NRG3: variants seen among roughly 807,000 people sequenced by gnomAD.
NRG3 encodes the protein pro-neuregulin-3, membrane-bound isoform.
NRG3 carries 31 observed loss-of-function variants against 66.9 expected under a neutral mutation model. The ratio of observed to expected loss-of-function variants is 0.46; its 90% CI spans 0.35 to 0.63. The LOEUF is 0.63. Among genes scored for constraint, NRG3 ranks in the 20% least tolerant of loss-of-function variants. NRG3 has a pLI of 0.00. For synonymous variants in NRG3, 393 were observed against 359.4 expected, an observed-to-expected ratio of 1.09 and a Z score of -1.06; for missense variants, 910 against 878.9, an observed-to-expected ratio of 1.04 and a Z score of -0.45.
intron 2 of NRG3, among the ~76,000 whole-genome samples, chr10:82,558,682 G>A (rs927387851): frequency 1.3e-5 from 2 of 152,116 alleles, no homozygotes; most frequent in African/African-American, 2.4e-5. Context: ...CGTCAAATTC[G>A]CATTTCTCTA....
At chr10:82,409,460 CAA>C (rs1340942262) in intron 2 of NRG3, among the ~76,000 whole-genome samples, 4 of 149,990 alleles carry the variant, frequency 2.7e-5, no homozygotes, top group Non-Finnish European at 4.4e-5. Flanking sequence ...CCCGGATAAA[CAA>C]AGAGTCTAAT....
intron 2 of NRG3, among the ~76,000 whole-genome samples, chr10:82,505,353 G>A (rs1844569918): frequency 1.3e-5 from 2 of 152,334 alleles, no homozygotes; most frequent in African/African-American, 4.8e-5. Flanking sequence ...CCACAGGGGT[G>A]GTCATGTGGC....
chr10:82,498,025 G>T (rs1405184806), intron 2 of NRG3, among the ~76,000 whole-genome samples: 1 of 150,196 alleles, frequency 6.7e-6, no homozygotes, highest in Non-Finnish European at 1.5e-5. Flanking sequence ...TTGATCACTT[G>T]TATGTATTCT....
chr10:82,686,950 A>G (rs892297392), intron 2 of NRG3, among the ~76,000 whole-genome samples: 3 of 152,242 alleles, frequency 2.0e-5, no homozygotes, highest in Non-Finnish European at 4.4e-5. Flanking sequence ...GTTATGGGAC[A>G]TGAAGCATAT....
chr10:82,039,669 T>G (rs1032360236), intron 1 of NRG3, among the ~76,000 whole-genome samples: 2 of 152,210 alleles, frequency 1.3e-5, no homozygotes, highest in Admixed American at 6.5e-5. Context: ...TCAGCTCCCT[T>G]GAGATAAAAT....
chr10:82,421,651 A>G (rs538072917), intron 2 of NRG3, among the ~76,000 whole-genome samples: 1 of 151,932 alleles, frequency 6.6e-6, no homozygotes, highest in East Asian at 1.9e-4. Context: ...TTATCCTTGC[A>G]TTTATTTTTT....
At chr10:82,315,136 A>T (rs2081230050) in intron 1 of NRG3, among the ~76,000 whole-genome samples, 1 of 152,204 alleles carries the variant, frequency 6.6e-6, no homozygotes, top group Non-Finnish European at 1.5e-5. Flanking sequence ...AATGATGTGT[A>T]TACACATGTG....
At chr10:82,839,117 G>A (rs188008598) in intron 3 of NRG3, among the ~76,000 whole-genome samples, 1 of 152,234 alleles carries the variant, frequency 6.6e-6, no homozygotes, top group Admixed American at 6.5e-5. Context: ...GATTTGGGTG[G>A]GGACACAGCC....
chr10:82,767,596 C>T (rs1178487719), intron 3 of NRG3, among the ~76,000 whole-genome samples: 1 of 151,842 alleles, frequency 6.6e-6, no homozygotes, highest in Admixed American at 6.6e-5. Context: ...TCTTGGTTGG[C>T]TATTGGATCT....
chr10:82,585,169 GT>G (rs957676633), intron 2 of NRG3, among the ~76,000 whole-genome samples: 2 of 148,922 alleles, frequency 1.3e-5, no homozygotes, highest in Admixed American at 1.3e-4. Flanking sequence ...AACTCATAAG[GT>G]TTTTTTTTTA....
intron 2 of NRG3, among the ~76,000 whole-genome samples, chr10:82,542,797 G>A (rs542425032): frequency 8.5e-5 from 13 of 152,170 alleles, no homozygotes; most frequent in Non-Finnish European, 1.8e-4. Flanking sequence ...GGCAATCTTC[G>A]TAAGTGTCAG....
At chr10:82,695,446 C>T (rs2246879) in intron 2 of NRG3, among the ~76,000 whole-genome samples, 134,012 of 151,908 alleles carry the variant, frequency 0.88, 59,395 homozygotes, top group East Asian at 1. Flanking sequence ...GTTTAATATA[C>T]GAGTATGAAA....
At chr10:82,246,728 G>T (rs2134054187) in intron 1 of NRG3, among the ~76,000 whole-genome samples, 1 of 152,296 alleles carries the variant, frequency 6.6e-6, no homozygotes, top group South Asian at 2.1e-4. Flanking sequence ...TGCATGTTTT[G>T]CTTTTACTCA....
rs150523756 is a variant in NRG3 at position 82,206,748 on chromosome 10, A to G, written c.824-151991A>G. Among the ~76,000 whole-genome samples, 13 of 152,286 alleles carry G rather than the reference A, an allele frequency of 8.5e-5. No individual in the cohort carries two copies. In the East Asian group the frequency reaches 9.6e-4, roughly 11 times the overall value. On this transcript the variant is annotated intron_variant, in intron 1 of 8. Transcript: ENST00000372141. ...GCTACATATTAAAATAGTTTTCTCT[A>G]TTTAGTAATTCTATGTTTCTTCTTT...
chr10:82,203,540 A>G (rs1253568125), intron 1 of NRG3, among the ~76,000 whole-genome samples: 1 of 152,182 alleles, frequency 6.6e-6, no homozygotes, highest in Non-Finnish European at 1.5e-5. Context: ...CAGCATAAAG[A>G]CTAGGCTTAG....
chr10:82,119,295 G>A (rs2067929360), intron 1 of NRG3, among the ~76,000 whole-genome samples: 1 of 151,982 alleles, frequency 6.6e-6, no homozygotes, highest in South Asian at 2.1e-4. Context: ...TCCTATCTGA[G>A]GTTGAGTTTG....
At chr10:82,239,784 C>T (rs1246040893) in intron 1 of NRG3, among the ~76,000 whole-genome samples, 3 of 151,962 alleles carry the variant, frequency 2.0e-5, no homozygotes, top group African/African-American at 7.2e-5. Context: ...TTTATTCCAC[C>T]TTTGTATCTG....
At chr10:82,824,215 T>C (rs1004206509) in intron 3 of NRG3, among the ~76,000 whole-genome samples, 1 of 152,234 alleles carries the variant, frequency 6.6e-6, no homozygotes, top group African/African-American at 2.4e-5. Flanking sequence ...ACCATTTCAT[T>C]ATTTTTATTG....
At chr10:82,419,388 T>G (rs1243142645) in intron 2 of NRG3, among the ~76,000 whole-genome samples, 1 of 152,200 alleles carries the variant, frequency 6.6e-6, no homozygotes, top group Non-Finnish European at 1.5e-5. Flanking sequence ...AACACAGGTT[T>G]TCTTGATCAC....
Sources: allele counts gnomAD v4.1 joint callset (sites outside exome capture counted in the v4.1 genomes callset), GRCh38; gene constraint gnomAD v4.1.1; transcripts MANE v1.5; gene names NCBI Gene and HGNC (gene_info 2026-07-23, HGNC 2026-07-21).